Variants in KLHL10 observed in about 807,000 individuals in gnomAD.
The protein encoded by KLHL10 is kelch like family member 10, also known as kelch-like protein 10.
KLHL10 carries 11 observed loss-of-function variants against 46.6 expected under a neutral mutation model. The observed-to-expected ratio is 0.24, with a 90% CI of 0.15 to 0.39. The LOEUF (loss-of-function observed/expected upper bound fraction) is 0.39, where lower values mean the gene tolerates loss of function less well. Among genes scored for constraint, KLHL10 ranks in the 10% least tolerant of loss-of-function variants. KLHL10 has a pLI of 1.00. For missense variants in KLHL10, 475 were observed against 789.8 expected (o/e 0.60, Z 4.78); for synonymous variants, 254 against 279.1 (o/e 0.91, Z 0.90).
intron 3 of KLHL10, among the ~76,000 whole-genome samples, chr17:41,846,536 C>CAA (rs1286996804): frequency 2.6e-5 from 3 of 115,456 alleles, no homozygotes; most frequent in African/African-American, 3.3e-5. Flanking sequence ...ACTCCGTCTC[C>CAA]AAAAAAAAAA....
At position 41,842,152 on chromosome 17, in the gene KLHL10, C is replaced by T; in HGVS notation, c.524C>T (p.Ser175Leu). Reference protein sequence around the residue: ...LHNFEEMVKVSAEFLELSVTE... With the variant: ...LHNFEEMVKVLAEFLELSVTE... ...AACTTTGAGGAGATGGTGAAAGTCT[C>T]GGCAGAATTTTTAGAGCTCTCGGTC... Residue 175 changes from serine to leucine, a missense_variant, in exon 2 of 5, where the codon TCG (serine) becomes TTG (leucine). Physicochemically the swap from Ser to Leu is moderately radical, Grantham distance 145. Coordinates refer to ENST00000293303, the MANE Select transcript of KLHL10 (RefSeq NM_152467.5). 1 of 1,614,008 alleles carries T rather than the reference C, an allele frequency of 6.2e-7. No individual in the cohort carries two copies. The highest frequency in any genetic ancestry group is 8.5e-7 in the Non-Finnish European group (1 of 1,180,014).
At chr17:41,837,105 G>T (rs2048171007), upstream of KLHL10, among the ~76,000 whole-genome samples, 1 of 151,930 alleles carries the variant, frequency 6.6e-6, no homozygotes, top group African/African-American at 2.4e-5. Flanking sequence ...AGGCTGTAGT[G>T]AGTTATGATC....
chr17:41,845,353 C>T lies in KLHL10; in HGVS notation c.912C>T (p.Pro304=), dbSNP rs1555621216. 8.7e-6 allele frequency: 14 copies of T among 1,614,168 alleles called. No individual in the cohort carries two copies. The East Asian group carries it at 2.9e-4, about 33-fold the overall frequency. The change falls in exon 3 of 5, where the codon CCC becomes CCT. Residue 304 remains proline (P), a synonymous_variant. Coordinates refer to ENST00000293303, the MANE Select transcript of KLHL10 (RefSeq NM_152467.5). ...FAIGGWSGGS[P]TNAIEAYDAR... ...TTGGTGGCTGGAGTGGTGGGAGCCC[C>T]ACCAATGCCATTGAGGCATATGACG...
intron 2 of KLHL10, among the ~76,000 whole-genome samples, chr17:41,844,789 T>C (rs2048266373): frequency 6.6e-6 from 1 of 152,158 alleles, no homozygotes; most frequent in African/African-American, 2.4e-5. Context: ...CCTCCGGTGA[T>C]CCGCCCATCT....
chr17:41,837,674 G>A, upstream of KLHL10: 1 of 1,159,602 alleles, frequency 8.6e-7, no homozygotes, highest in South Asian at 1.7e-5. Context: ...ACAGAAGGAG[G>A]TGTGAGGTGG....
chr17:41,844,801 G>A (rs914587673), intron 2 of KLHL10, among the ~76,000 whole-genome samples: 3 of 152,038 alleles, frequency 2.0e-5, no homozygotes, highest in African/African-American at 7.2e-5. Flanking sequence ...CGCCCATCTC[G>A]GCCTCCCAAA....
Position 41,838,633 on chromosome 17 carries a change from CT to C in KLHL10, c.194+519del, listed in dbSNP as rs561213551. On this transcript the variant is annotated intron_variant, in intron 1 of 4. Transcript: ENST00000293303. ...ACTAGGGTCAGGGCCTTTTTTCTCT[CT>C]TTTTTTTTTTTGTTTGTTTTGTTTT... Among the ~76,000 whole-genome samples, 594 of 138,648 alleles carry C rather than the reference CT, an allele frequency of 4.3e-3. 2 individuals are homozygous for C. The highest frequency in any genetic ancestry group is 0.015 in the African/African-American group (551 of 37,394). 91.0% of individuals were successfully genotyped at this position (138,648 alleles called of 152,430 possible). A position where few individuals can be genotyped will look rare whatever the true frequency, so the allele number is the denominator to read the frequency against.
intron 1 of KLHL10, among the ~76,000 whole-genome samples, chr17:41,839,442 CT>C (rs2048205010): frequency 6.6e-6 from 1 of 152,188 alleles, no homozygotes; most frequent in Non-Finnish European, 1.5e-5. Flanking sequence ...CCCTGTACCC[CT>C]ATCCCAATAG....
intron 1 of KLHL10, among the ~76,000 whole-genome samples, chr17:41,839,338 A>G (rs782097376): frequency 8.5e-5 from 13 of 152,224 alleles, no homozygotes; most frequent in Non-Finnish European, 1.3e-4. Flanking sequence ...TTGGTGGGCC[A>G]GGTGCTTTAA....
chr17:41,838,408 C>CT (rs1555620423), intron 1 of KLHL10, among the ~76,000 whole-genome samples: 3 of 152,122 alleles, frequency 2.0e-5, no homozygotes, highest in Non-Finnish European at 4.4e-5. Context: ...TCTACAGGCA[C>CT]ATGCTGCTAC....
intron 2 of KLHL10, among the ~76,000 whole-genome samples, chr17:41,844,080 A>G (rs2048255732): frequency 6.8e-6 from 1 of 146,936 alleles, no homozygotes. Flanking sequence ...ATTTATTTTG[A>G]GACAAGTCTC....
At chr17:41,836,145 G>C (rs920503389), upstream of KLHL10, 302 of 1,313,280 alleles carry the variant, frequency 2.3e-4, 1 homozygote, top group Non-Finnish European at 2.9e-4. Flanking sequence ...GTCGGAGTCC[G>C]GGCCCGCCCC....
intron 1 of KLHL10, among the ~76,000 whole-genome samples, chr17:41,838,748 G>T (rs1425839494): frequency 6.6e-6 from 1 of 150,622 alleles, no homozygotes; most frequent in Non-Finnish European, 1.5e-5. Flanking sequence ...GAGTGCAATG[G>T]CGCCATCTCG....
chr17:41,840,782 AT>A (rs2048218490), intron 1 of KLHL10, among the ~76,000 whole-genome samples: 1 of 151,774 alleles, frequency 6.6e-6, no homozygotes, highest in African/African-American at 2.4e-5. Context: ...TAGAGGAAGA[AT>A]TTGATTTCTA....
In KLHL10 at chr17:41,847,290, C is replaced by T. The variant is rs782302907; in HGVS notation, c.1332C>T (p.Asn444=). The T allele has an allele frequency of 4.5e-5, 73 of 1,613,688 alleles. 1 individual carries two copies. The highest frequency in any genetic ancestry group is 3.8e-4 in the Admixed American group (23 of 59,982). The stretch of plus-strand genomic sequence containing the variant: ...ACATATGTGGTGGGTTTAATGGAAA[C>T]GAGTGCCTGTTCACAGCAGAAGTGT... The part of the protein sequence containing the change: ...KVYICGGFNG[N]ECLFTAEVYN... The change falls in exon 4 of 5, where the codon AAC becomes AAT. Residue 444 remains asparagine (N), a synonymous_variant. Coordinates refer to ENST00000293303, the MANE Select transcript of KLHL10 (RefSeq NM_152467.5).
Position 41,842,106 on chromosome 17 carries a change from G to A in KLHL10, c.478G>A (p.Ala160Thr), listed in dbSNP as rs782626896. The A allele has an allele frequency of 1.9e-6, 3 of 1,614,054 alleles. No individual in the cohort carries two copies. The highest frequency in any genetic ancestry group is 2.5e-6 in the Non-Finnish European group (3 of 1,180,056). The stretch of plus-strand genomic sequence containing the variant: ...CTACTGTCCTGAGCTGAGGCAGAAG[G>A]CCTACATGTTCATACTGCACAACTT... Reference protein sequence around the residue: ...YYYCPELRQKAYMFILHNFEE... With the variant: ...YYYCPELRQKTYMFILHNFEE... Residue 160 changes from alanine to threonine, a missense_variant, in exon 2 of 5, where the codon GCC becomes ACC. Ala to Thr is a moderately conservative substitution (Grantham distance 58). Transcript: ENST00000293303.
upstream of KLHL10, among the ~76,000 whole-genome samples, chr17:41,837,173 A>AT (rs201133772): frequency 0.031 from 4,729 of 150,898 alleles, 110 homozygotes; most frequent in South Asian, 0.059. Flanking sequence ...AAAAAGAAAG[A>AT]TTTTTTTTTT....
intron 1 of KLHL10, among the ~76,000 whole-genome samples, chr17:41,840,021 A>T (rs2048210635): frequency 6.6e-6 from 1 of 152,106 alleles, no homozygotes; most frequent in African/African-American, 2.4e-5. Flanking sequence ...CTGGGGTTAC[A>T]GGTTTCACTA....
chr17:41,842,189 G>A lies in KLHL10; in HGVS notation c.561G>A (p.Lys187=). 1.9e-6 allele frequency: 3 copies of A among 1,614,124 alleles called. No homozygotes were observed. Among genetic ancestry groups the A allele is most frequent in the Non-Finnish European group, 2.5e-6 (3 of 1,180,032 alleles). ...EFLELSVTEL[K]DIIEKDELNV... is the part of the protein sequence containing the mutation. The stretch of plus-strand genomic sequence containing the variant: ...TAGAGCTCTCGGTCACTGAACTTAA[G>A]GATATCATTGAGAAAGATGAGCTCA... Residue 187 remains lysine, a synonymous_variant, in exon 2 of 5, where the codon AAG becomes AAA. Transcript: ENST00000293303.
Sources: gnomAD v4.1 joint callset for allele counts (sites outside exome capture counted in the v4.1 genomes callset) on GRCh38, gnomAD v4.1.1 for gene constraint, MANE v1.5 for transcripts, NCBI Gene and HGNC (gene_info 2026-07-23, HGNC 2026-07-21) for gene names.